The following MYOM2 variants were observed in gnomAD, a reference collection of about 807,000 sequenced individuals.
MYOM2 encodes myomesin-2.
Under a neutral mutation model 187.6 loss-of-function variants are expected in MYOM2, and 254 were observed. The observed-to-expected ratio is 1.35, with a 90% CI of 1.22 to 1.50. The LOEUF (loss-of-function observed/expected upper bound fraction) is 1.50, where lower values mean the gene tolerates loss of function less well. Ranked by LOEUF, MYOM2 falls within the 40% of genes most tolerant of loss-of-function variation. The pLI is 0.00. For missense variants in MYOM2, 2,796 were observed against 1,924.0 expected (o/e 1.45, Z -8.48); for synonymous variants, 981 against 753.8 (o/e 1.30, Z -4.94).
At chr8:2,060,652 G>A (rs924685725) in intron 6 of MYOM2, among the ~76,000 whole-genome samples, 4 of 152,202 alleles carry the variant, frequency 2.6e-5, no homozygotes, top group African/African-American at 9.6e-5. Context: ...CCCAGAGGGA[G>A]CTCAGAGGAG....
At chr8:2,057,309 G>C (rs182299990) in intron 3 of MYOM2, 39 bp from the exon 4 acceptor site, 3 of 1,572,482 alleles carry the variant, frequency 1.9e-6, no homozygotes, top group Admixed American at 1.9e-5. Flanking sequence ...GGTTTTCTTC[G>C]TGACTCCTGC....
chr8:2,123,717 G>A, intron 30 of MYOM2, 75 bp downstream of exon 30: 3 of 1,284,216 alleles, frequency 2.3e-6, no homozygotes, highest in Non-Finnish European at 3.4e-6. Flanking sequence ...TCTGAAGGCA[G>A]GTCTATGTCT....
chr8:2,113,597 G>T (rs1436493608), intron 25 of MYOM2, among the ~76,000 whole-genome samples: 1 of 152,170 alleles, frequency 6.6e-6, no homozygotes, highest in Non-Finnish European at 1.5e-5. Flanking sequence ...GACCGACTGG[G>T]ACAGGTTCAT....
At chr8:2,086,564 T>C (rs920133019) in intron 14 of MYOM2, among the ~76,000 whole-genome samples, 5 of 140,688 alleles carry the variant, frequency 3.6e-5, no homozygotes, top group South Asian at 4.5e-4. Flanking sequence ...GACCTACTAG[T>C]TCATCAGTGG....
At chr8:2,117,096 C>T (rs530089894) in intron 27 of MYOM2, among the ~76,000 whole-genome samples, 2 of 152,160 alleles carry the variant, frequency 1.3e-5, no homozygotes, top group South Asian at 4.1e-4. Context: ...GATTTCTGAA[C>T]TTCTTGAGAA....
intron 31 of MYOM2, among the ~76,000 whole-genome samples, chr8:2,126,064 C>T (rs185395892): frequency 6.6e-6 from 1 of 152,060 alleles, no homozygotes; most frequent in East Asian, 1.9e-4. Context: ...ATAATGTGTC[C>T]AAGGGCCACT....
intron 32 of MYOM2, among the ~76,000 whole-genome samples, chr8:2,131,746 C>G (rs185047901): frequency 7.5e-4 from 113 of 151,072 alleles, no homozygotes; most frequent in Non-Finnish European, 1.5e-3. Flanking sequence ...CAGGTTCACG[C>G]CATTCTCCTG....
chr8:2,125,755 G>A (rs1392636297), intron 31 of MYOM2, among the ~76,000 whole-genome samples: 2 of 151,108 alleles, frequency 1.3e-5, no homozygotes, highest in East Asian at 2.0e-4. Context: ...CTACAGGCAC[G>A]CATCACCACA....
chr8:2,050,381 T>C (rs2129326805), intron 1 of MYOM2, among the ~76,000 whole-genome samples: 1 of 152,362 alleles, frequency 6.6e-6, no homozygotes, highest in African/African-American at 2.4e-5. Flanking sequence ...TTCTCTTGTA[T>C]TCTAAGTGTT....
chr8:2,127,031 T>C (rs1407236397), intron 31 of MYOM2, among the ~76,000 whole-genome samples: 2 of 151,824 alleles, frequency 1.3e-5, no homozygotes, highest in Non-Finnish European at 2.9e-5. Context: ...GGGAGCTGCT[T>C]CTGGTCTGTG....
intron 14 of MYOM2, among the ~76,000 whole-genome samples, chr8:2,086,494 C>T (rs983544972): frequency 2.0e-4 from 26 of 133,018 alleles, no homozygotes; most frequent in Admixed American, 4.8e-4. Context: ...TCTGTGTGGC[C>T]CCCCACTGTC....
intron 32 of MYOM2, among the ~76,000 whole-genome samples, chr8:2,131,641 TTC>T (rs1491068089): frequency 3.5e-4 from 44 of 127,392 alleles, no homozygotes; most frequent in African/African-American, 9.1e-4. Context: ...AGGCATTTCT[TTC>T]TTTTTTTTTT....
intron 8 of MYOM2, among the ~76,000 whole-genome samples, chr8:2,071,496 A>C (rs1218928315): frequency 1.3e-5 from 2 of 152,230 alleles, no homozygotes; most frequent in African/African-American, 4.8e-5. Context: ...TACGGATGCA[A>C]ATACCACCGT....
chr8:2,110,349 C>A (rs967777342), intron 25 of MYOM2, among the ~76,000 whole-genome samples: 3 of 152,180 alleles, frequency 2.0e-5, no homozygotes, highest in African/African-American at 7.2e-5. Flanking sequence ...AAGGCACATG[C>A]TCTGTCACGG....
chr8:2,045,201 T>C (rs553706105), intron 1 of MYOM2, 33 bp downstream of exon 1: 6 of 152,354 alleles, frequency 3.9e-5, no homozygotes, highest in African/African-American at 1.4e-4. Flanking sequence ...CTTTTCTAAT[T>C]TGTGGCTTTA....
chr8:2,134,164 A>G (rs565511108), intron 32 of MYOM2, among the ~76,000 whole-genome samples: 1 of 152,266 alleles, frequency 6.6e-6, no homozygotes, highest in East Asian at 1.9e-4. Flanking sequence ...GCCCTTTTGC[A>G]TGTTCCTGTG....
At position 2,109,405 on chromosome 8, in the gene MYOM2, G is replaced by T. The variant is rs1009299180; in HGVS notation, c.3054G>T (p.Leu1018=). 1.2e-6 allele frequency: 2 copies of T among 1,605,816 alleles called. No individual in the cohort carries two copies. The highest frequency in any genetic ancestry group is 4.5e-5 in the East Asian group (2 of 44,436). The part of the protein sequence containing the change: ...SNEIKNPTIP[L]KSELAYEIFD... ...CTTTTCTTCCTGTAGCAATTCCTCTGAAATCGGAATTAGCTTATGAGATTT... is the reference window on the plus strand; with the variant it reads ...CTTTTCTTCCTGTAGCAATTCCTCTTAAATCGGAATTAGCTTATGAGATTT... The change falls in exon 25 of 37, where the codon CTG becomes CTT. Residue 1018 remains leucine (L), a synonymous_variant. Transcript: ENST00000262113.
At position 2,085,612 on chromosome 8, in the gene MYOM2, GCGTGGCCCCC is replaced by G. The variant is rs1819836718; in HGVS notation, c.1644+224_1644+233del. Among the ~76,000 whole-genome samples, 2 of 6,400 alleles carry G rather than the reference GCGTGGCCCCC, an allele frequency of 3.1e-4. 1 individual carries two copies. Among genetic ancestry groups the G allele is most frequent in the Non-Finnish European group, 4.7e-4 (2 of 4,262 alleles). 4.2% of individuals were successfully genotyped at this position (6,400 alleles called of 152,430 possible). A position where few individuals can be genotyped will look rare whatever the true frequency, so the allele number is the denominator to read the frequency against. ...GCGTGGCCCCACTGTCGTGATCTCT[GCGTGGCCCCC>G]CACAGTCGTGATCTCTTTGTGGCCC... On this transcript the variant is annotated intron_variant, in intron 14 of 36. Transcript: ENST00000262113.
At position 2,073,012 on chromosome 8, in the gene MYOM2, C is replaced by G. The variant is rs577986760; in HGVS notation, c.959-327C>G. 3.0e-3 allele frequency among the ~76,000 whole-genome samples: 459 copies of G among 152,292 alleles called. 2 individuals carry two copies. Among genetic ancestry groups the G allele is most frequent in the Non-Finnish European group, 4.6e-3 (316 of 68,024 alleles). On this transcript the variant is annotated intron_variant, in intron 9 of 36. Transcript: ENST00000262113. Reference sequence around the variant, plus strand: ...TAATCCCCCACGGGCGGGGGGAAGCCGGTTGGGGCAGTGGCCGTCCAGCAG... The same window carrying G: ...TAATCCCCCACGGGCGGGGGGAAGCGGGTTGGGGCAGTGGCCGTCCAGCAG...
Sources: gnomAD v4.1 joint callset for allele counts (sites outside exome capture counted in the v4.1 genomes callset) on GRCh38, gnomAD v4.1.1 for gene constraint, MANE v1.5 for transcripts, NCBI Gene and HGNC (gene_info 2026-07-23, HGNC 2026-07-21) for gene names.